ATP6V1H: variants seen among roughly 807,000 people sequenced by gnomAD.
ATP6V1H encodes the protein ATPase H+ transporting V1 subunit H.
A neutral mutation model predicts 71.7 loss-of-function variants in ATP6V1H; 39 were observed. That is an observed-to-expected ratio of 0.54 (90% CI 0.42 to 0.71). ATP6V1H has a LOEUF of 0.71. Ranked by LOEUF, ATP6V1H falls within the 30% of genes least tolerant of loss-of-function variation. ATP6V1H has a pLI of 0.00. For synonymous variants in ATP6V1H, 192 were observed against 199.3 expected (o/e 0.96, Z 0.31); for missense variants, 509 against 594.9 (o/e 0.86, Z 1.50).
chr8:53,843,093 C>T lies in ATP6V1H; in HGVS notation c.-95G>A, dbSNP rs1156794863. On this transcript the variant is annotated 5_prime_UTR_variant, in exon 1 of 14. Transcript: ENST00000359530. The stretch of plus-strand genomic sequence containing the variant: ...AGCCGGCAGGGAGGGTGGTCCGGGG[C>T]GCCGGGGACACAGCCGGGCTGGGGC... 6.6e-6 allele frequency: 1 copy of T among 152,456 alleles called. No individual in the cohort carries two copies. The highest frequency in any genetic ancestry group is 2.4e-5 in the African/African-American group (1 of 41,472). The allele number at this position is 152,456 out of a possible 1,614,324, so 9.4% of individuals were successfully genotyped here.
At position 53,771,505 on chromosome 8, in the gene ATP6V1H, G is replaced by A. The variant is rs529642049; in HGVS notation, c.1049+484C>T. ...CCGAGGGAGAGTGAGGCGAGGCAGT[G>A]AAGATGGTGGGAGTGGCATGGAGTC... On this transcript the variant is annotated intron_variant, in intron 10 of 13. Coordinates refer to ENST00000359530, the MANE Select transcript of ATP6V1H (RefSeq NM_015941.4). 1.5e-4 allele frequency among the ~76,000 whole-genome samples: 23 copies of A among 152,244 alleles called. No homozygotes were observed. The South Asian group carries it at 4.8e-3, about 32-fold the overall frequency.
intron 10 of ATP6V1H, 26 bp downstream of exon 10, chr8:53,771,963 C>T: frequency 6.3e-7 from 1 of 1,595,296 alleles, no homozygotes; most frequent in Non-Finnish European, 8.6e-7. Context: ...AGATCCAGCA[C>T]ATGAGAATTA....
intron 9 of ATP6V1H, among the ~76,000 whole-genome samples, chr8:53,794,437 C>T (rs937110384): frequency 1.3e-5 from 2 of 152,154 alleles, no homozygotes; most frequent in Non-Finnish European, 2.9e-5. Context: ...GCGATCTCGG[C>T]TCACTGCAAC....
At chr8:53,823,626 G>A (rs766487208) in intron 4 of ATP6V1H, among the ~76,000 whole-genome samples, 8 of 152,062 alleles carry the variant, frequency 5.3e-5, no homozygotes, top group Non-Finnish European at 7.4e-5. Context: ...ATAGGCATGC[G>A]CCACCACACC....
chr8:53,773,769 C>A (rs1044355018), intron 9 of ATP6V1H, among the ~76,000 whole-genome samples: 1 of 152,072 alleles, frequency 6.6e-6, no homozygotes, highest in Non-Finnish European at 1.5e-5. Flanking sequence ...TTATAAAAAT[C>A]CTCAATGAAA....
chr8:53,743,955 A>C (rs1252012045), intron 12 of ATP6V1H, among the ~76,000 whole-genome samples: 4 of 152,158 alleles, frequency 2.6e-5, no homozygotes, highest in Non-Finnish European at 5.9e-5. Context: ...CCTAGATACC[A>C]CCCAGGCACT....
chr8:53,756,512 G>T, intron 12 of ATP6V1H, 43 bp downstream of exon 12: 1 of 1,478,752 alleles, frequency 6.8e-7, no homozygotes, highest in Non-Finnish European at 9.4e-7. Context: ...ACTCTACACT[G>T]AAGGTTTCAA....
chr8:53,793,507 C>T (rs1243470614), intron 9 of ATP6V1H, among the ~76,000 whole-genome samples: 6 of 151,916 alleles, frequency 3.9e-5, no homozygotes, highest in African/African-American at 1.2e-4. Context: ...TAGCCAGGCT[C>T]GGTGGCATGC....
At chr8:53,732,087 CTTTGGT>C (rs1199919334) in intron 13 of ATP6V1H, among the ~76,000 whole-genome samples, 3 of 152,202 alleles carry the variant, frequency 2.0e-5, no homozygotes, top group Admixed American at 6.5e-5. Context: ...TTTATTGGCA[CTTTGGT>C]TTTGGTTTTG....
At chr8:53,773,303 T>C (rs761718319) in intron 9 of ATP6V1H, among the ~76,000 whole-genome samples, 12 of 152,224 alleles carry the variant, frequency 7.9e-5, no homozygotes, top group Non-Finnish European at 1.6e-4. Context: ...AATTTGCTTT[T>C]AAAATTACTT....
At chr8:53,751,810 C>G (rs1443956479) in intron 12 of ATP6V1H, among the ~76,000 whole-genome samples, 3 of 152,026 alleles carry the variant, frequency 2.0e-5, no homozygotes, top group Non-Finnish European at 4.4e-5. Flanking sequence ...GCTGGGACTA[C>G]AGGCTCATGC....
At chr8:53,735,768 C>T (rs752338698) in intron 13 of ATP6V1H, among the ~76,000 whole-genome samples, 5 of 152,192 alleles carry the variant, frequency 3.3e-5, no homozygotes, top group African/African-American at 4.8e-5. Flanking sequence ...GACTCTGTTT[C>T]GGTTAAAAAG....
intron 11 of ATP6V1H, among the ~76,000 whole-genome samples, chr8:53,767,945 C>T (rs768451615): frequency 2.6e-5 from 4 of 152,190 alleles, no homozygotes; most frequent in African/African-American, 4.8e-5. Context: ...TAGACTTGAT[C>T]GAAATTTTAA....
chr8:53,730,172 G>C (rs1806969301), intron 13 of ATP6V1H, among the ~76,000 whole-genome samples: 2 of 152,178 alleles, frequency 1.3e-5, no homozygotes, highest in Non-Finnish European at 2.9e-5. Flanking sequence ...CCAGCTTTCT[G>C]GTCTCCAGTT....
chr8:53,841,402 G>A (rs1811336540), intron 2 of ATP6V1H, among the ~76,000 whole-genome samples, 176 bp downstream of exon 2: 1 of 152,186 alleles, frequency 6.6e-6, no homozygotes, highest in South Asian at 2.1e-4. Context: ...AGGGCGCCAA[G>A]CTGTTTCCAC....
At chr8:53,734,808 AC>A in intron 13 of ATP6V1H, among the ~76,000 whole-genome samples, 1 of 152,136 alleles carries the variant, frequency 6.6e-6, no homozygotes, top group South Asian at 2.1e-4. Flanking sequence ...TCCCTCAAGC[AC>A]CTGACCTTGT....
At chr8:53,810,480 G>A (rs1585812766) in intron 7 of ATP6V1H, among the ~76,000 whole-genome samples, 2 of 152,164 alleles carry the variant, frequency 1.3e-5, no homozygotes, top group South Asian at 2.1e-4. Flanking sequence ...GGTGGCTCAT[G>A]CCTGTAATCC....
intron 6 of ATP6V1H, among the ~76,000 whole-genome samples, 154 bp downstream of exon 6, chr8:53,814,508 A>G (rs559807201): frequency 2.0e-5 from 3 of 152,322 alleles, no homozygotes; most frequent in Admixed American, 2.0e-4. Context: ...AAAGCACACT[A>G]CCATATCTGA....
chr8:53,787,933 T>C (rs1340559974), intron 9 of ATP6V1H, among the ~76,000 whole-genome samples: 1 of 152,180 alleles, frequency 6.6e-6, no homozygotes, highest in Admixed American at 6.5e-5. Flanking sequence ...GCAAGTTTTC[T>C]AAAGCCTCCC....
Sources: gnomAD v4.1 joint callset for allele counts (sites outside exome capture counted in the v4.1 genomes callset) on GRCh38, gnomAD v4.1.1 for gene constraint, MANE v1.5 for transcripts, NCBI Gene and HGNC (gene_info 2026-07-23, HGNC 2026-07-21) for gene names.